The following SLC17A6 variants were observed in gnomAD, a reference collection of about 807,000 sequenced individuals.
SLC17A6 encodes the protein solute carrier family 17 member 6.
Under a neutral mutation model 67.1 loss-of-function variants are expected in SLC17A6, and 35 were observed. The ratio of observed to expected loss-of-function variants is 0.52; its 90% CI spans 0.40 to 0.69. The LOEUF (loss-of-function observed/expected upper bound fraction) is 0.69, where lower values mean the gene tolerates loss of function less well. Ranked by LOEUF, SLC17A6 falls within the 30% of genes least tolerant of loss-of-function variation. The probability of loss-of-function intolerance (pLI) is 0.00; values close to 1 mark genes in which losing one functional copy is unlikely to be tolerated. For synonymous variants in SLC17A6, 285 were observed against 252.3 expected (o/e 1.13, Z -1.23); for missense variants, 588 against 723.9 (o/e 0.81, Z 2.15).
intron 7 of SLC17A6, among the ~76,000 whole-genome samples, chr11:22,369,419 G>C (rs1856148800): frequency 1.3e-5 from 2 of 151,958 alleles, no homozygotes; most frequent in Non-Finnish European, 2.9e-5. Flanking sequence ...CTTTCACCCA[G>C]CTGTTCTGAG....
At chr11:22,366,895 A>C (rs1856118876) in intron 7 of SLC17A6, among the ~76,000 whole-genome samples, 2 of 151,096 alleles carry the variant, frequency 1.3e-5, no homozygotes, top group Non-Finnish European at 2.9e-5. Flanking sequence ...AATCCCAGCC[A>C]CTCGGAAGGC....
chr11:22,341,325 C>CCG (rs1243593499), intron 1 of SLC17A6, among the ~76,000 whole-genome samples: 1 of 152,186 alleles, frequency 6.6e-6, no homozygotes, highest in African/African-American at 2.4e-5. Flanking sequence ...GACGCCGCCG[C>CCG]CGCGGCCAAG....
intron 8 of SLC17A6, among the ~76,000 whole-genome samples, chr11:22,371,332 G>C (rs1427921165): frequency 6.6e-6 from 1 of 151,960 alleles, no homozygotes; most frequent in Non-Finnish European, 1.5e-5. Context: ...GACTATCTGA[G>C]ACCTGGGACT....
chr11:22,341,276 G>A (rs758741112), intron 1 of SLC17A6, among the ~76,000 whole-genome samples: 2 of 152,206 alleles, frequency 1.3e-5, no homozygotes, highest in Non-Finnish European at 2.9e-5. Context: ...CCGAGATGGG[G>A]ACTCGCTACC....
intron 4 of SLC17A6, among the ~76,000 whole-genome samples, chr11:22,360,305 G>C (rs1856036675): frequency 6.6e-6 from 1 of 151,852 alleles, no homozygotes; most frequent in South Asian, 2.1e-4. Flanking sequence ...GGAGGGGAAC[G>C]ACACACACTG....
At chr11:22,359,949 G>A (rs578066770) in intron 4 of SLC17A6, among the ~76,000 whole-genome samples, 164 of 152,152 alleles carry the variant, frequency 1.1e-3, no homozygotes, top group African/African-American at 3.8e-3. Context: ...TTCATCGAAT[G>A]CATTTTTGAG....
intron 8 of SLC17A6, among the ~76,000 whole-genome samples, chr11:22,373,625 G>C (rs990259670): frequency 1.4e-4 from 21 of 152,258 alleles, no homozygotes; most frequent in African/African-American, 4.8e-4. Flanking sequence ...TAAAGGCTAA[G>C]AGCCCAGTCT....
intron 3 of SLC17A6, among the ~76,000 whole-genome samples, chr11:22,343,786 C>T (rs1055849093): frequency 2.0e-5 from 3 of 152,182 alleles, no homozygotes; most frequent in Non-Finnish European, 4.4e-5. Flanking sequence ...GGTCTGACCT[C>T]CTGGCAAGGC....
chr11:22,352,860 T>C (rs1167084038), intron 3 of SLC17A6, among the ~76,000 whole-genome samples: 2 of 151,668 alleles, frequency 1.3e-5, no homozygotes, highest in Non-Finnish European at 2.9e-5. Context: ...TCATTTCCCA[T>C]GAGATACTTT....
rs754329501 is a variant in SLC17A6 at position 22,375,933 on chromosome 11, G to T, written c.1175-49G>T. 3.5e-6 allele frequency: 5 copies of T among 1,431,100 alleles called. No individual in the cohort carries two copies. In the Admixed American group the frequency reaches 9.2e-5, roughly 26 times the overall value. The allele number at this position is 1,431,100 out of a possible 1,614,324, so 88.7% of individuals were successfully genotyped here. A position where few individuals can be genotyped will look rare whatever the true frequency, so the allele number is the denominator to read the frequency against. On this transcript the variant is annotated intron_variant, in intron 9 of 11. Transcript: ENST00000263160. Reference sequence around the variant, plus strand: ...CATTTTTAGCAGTTTTGGCTCATTGGTAAAATTTCAAAAATTTCTGAAGAA... The same window carrying T: ...CATTTTTAGCAGTTTTGGCTCATTGTTAAAATTTCAAAAATTTCTGAAGAA...
chr11:22,345,142 C>G (rs1417795977), intron 3 of SLC17A6, among the ~76,000 whole-genome samples: 1 of 151,512 alleles, frequency 6.6e-6, no homozygotes, highest in Non-Finnish European at 1.5e-5. Flanking sequence ...GGAAAAAACA[C>G]CAGGGATGCT....
Position 22,377,809 on chromosome 11 carries a change from A to C in SLC17A6, c.*69A>C. ...TCATTGTGATTGCACAAAAATTTTA[A>C]AAACACGTGATGTAAACTTGCAAGC... On this transcript the variant is annotated 3_prime_UTR_variant, in exon 12 of 12. Coordinates refer to ENST00000263160, the MANE Select transcript of SLC17A6 (RefSeq NM_020346.3). 1 of 1,285,102 alleles carries C rather than the reference A, an allele frequency of 7.8e-7. No homozygotes were observed. The highest frequency in any genetic ancestry group is 1.1e-6 in the Non-Finnish European group (1 of 945,120). The allele number at this position is 1,285,102 out of a possible 1,614,324, so 79.6% of individuals were successfully genotyped here.
At chr11:22,360,841 TA>T (rs1391874027) in intron 4 of SLC17A6, 55 bp from the exon 5 acceptor site, 89 of 1,502,636 alleles carry the variant, frequency 5.9e-5, no homozygotes, top group Non-Finnish European at 7.9e-5. Context: ...TACAGGATAC[TA>T]AAAAGACTCT....
At chr11:22,376,162 T>A in intron 10 of SLC17A6, 70 bp downstream of exon 10, 1 of 889,400 alleles carries the variant, frequency 1.1e-6, no homozygotes, top group East Asian at 2.5e-5. Context: ...GACACATACA[T>A]ATACCTTTTT....
intron 8 of SLC17A6, among the ~76,000 whole-genome samples, chr11:22,371,241 G>T (rs1856171802): frequency 6.6e-6 from 1 of 152,014 alleles, no homozygotes; most frequent in African/African-American, 2.4e-5. Flanking sequence ...TGTCTGTGCT[G>T]GCAATGGTCT....
chr11:22,354,117 C>G lies in SLC17A6; in HGVS notation c.459-5296C>G, dbSNP rs189209592. Among the ~76,000 whole-genome samples, 13 of 151,188 alleles carry G rather than the reference C, an allele frequency of 8.6e-5. No homozygotes were observed. In the East Asian group the frequency reaches 2.3e-3, roughly 27 times the overall value. On this transcript the variant is annotated intron_variant, in intron 3 of 11. Coordinates refer to ENST00000263160, the MANE Select transcript of SLC17A6 (RefSeq NM_020346.3). ...TTTTTTTTTGAGACAGAGTTTTGCT[C>G]TTGTTGCCCAGGCTGGAGTGCAGTG...
rs80344874 is a variant in SLC17A6 at position 22,377,386 on chromosome 11, C to T, written c.1414-19C>T. 4.3e-4 allele frequency: 677 copies of T among 1,580,522 alleles called. 1 individual carries two copies. The highest frequency in any genetic ancestry group is 5.5e-4 in the Non-Finnish European group (638 of 1,160,580). ...TCATGGGGAGTCAGTTCTCACAGTGCTGCTTTTTCTCACTGCAGTCACGTG... is the reference window on the plus strand; with the variant it reads ...TCATGGGGAGTCAGTTCTCACAGTGTTGCTTTTTCTCACTGCAGTCACGTG... On this transcript the variant is annotated intron_variant, in intron 11 of 11. Transcript: ENST00000263160.
chr11:22,342,424 G>A (rs1347985032), intron 2 of SLC17A6, among the ~76,000 whole-genome samples: 1 of 152,274 alleles, frequency 6.6e-6, no homozygotes, highest in South Asian at 2.1e-4. Flanking sequence ...AGAAACTGGG[G>A]AAGACTCTTG....
chr11:22,361,001 G>A lies in SLC17A6; in HGVS notation c.661+17G>A, dbSNP rs1181904765. ...CCTTTTGTGGTGAGTACTGTGTGCA[G>A]ATGCAGCTATGGTGGCTAAAAGTTT... is the stretch of plus-strand genomic sequence containing the variant. On this transcript the variant is annotated intron_variant, in intron 5 of 11. Coordinates refer to ENST00000263160, the MANE Select transcript of SLC17A6 (RefSeq NM_020346.3). 2.5e-6 allele frequency: 4 copies of A among 1,607,462 alleles called. No homozygotes were observed. Among genetic ancestry groups the A allele is most frequent in the African/African-American group, 2.7e-5 (2 of 74,816 alleles).
Sources: allele counts gnomAD v4.1 joint callset (sites outside exome capture counted in the v4.1 genomes callset), GRCh38; gene constraint gnomAD v4.1.1; transcripts MANE v1.5; gene names NCBI Gene and HGNC (gene_info 2026-07-23, HGNC 2026-07-21).